The following INSYN1 variants were observed in gnomAD, a reference collection of about 807,000 sequenced individuals.
The protein encoded by INSYN1 is inhibitory synaptic factor 1, also known as UPF0583 protein C15orf59.
Under a neutral mutation model 17.1 loss-of-function variants are expected in INSYN1, and 7 were observed. The observed-to-expected ratio is 0.41, with a 90% confidence interval of 0.23 to 0.77. The LOEUF (loss-of-function observed/expected upper bound fraction) is 0.77, where lower values mean the gene tolerates loss of function less well. Among genes scored for constraint, INSYN1 ranks in the 30% least tolerant of loss-of-function variants. The pLI is 0.32. For missense variants in INSYN1, 339 were observed against 400.6 expected, an observed-to-expected ratio of 0.85 and a Z score of 1.31; for synonymous variants, 174 against 166.3, an observed-to-expected ratio of 1.05 and a Z score of -0.36.
Position 73,737,211 on chromosome 15 carries a change from G to A in INSYN1, c.*2706C>T, listed in dbSNP as rs1002292599. The A allele has an allele frequency of 3.3e-5, 5 of 152,324 alleles. No individual in the cohort carries two copies. The highest frequency in any genetic ancestry group is 1.9e-4 in the East Asian group (1 of 5,180). The allele number at this position is 152,324 out of a possible 1,614,324, so 9.4% of individuals were successfully genotyped here. A position where few individuals can be genotyped will look rare whatever the true frequency, so the allele number is the denominator to read the frequency against. On this transcript the variant is annotated 3_prime_UTR_variant, in exon 3 of 3. Transcript: ENST00000569673. ...CTCAGTTTCTTCCTCTGTGAAATGC[G>A]AACTATTCCATAGGTTTCTTTTCCC...
At chr15:73,748,182 C>T (rs1270692764) in intron 2 of INSYN1, among the ~76,000 whole-genome samples, 1 of 152,174 alleles carries the variant, frequency 6.6e-6, no homozygotes, top group African/African-American at 2.4e-5. Context: ...GCTGAGGGAC[C>T]TGGGGAGGAA....
In INSYN1 at chr15:73,739,843, AT is replaced by A; in HGVS notation, c.*73del. On this transcript the variant is annotated 3_prime_UTR_variant, in exon 3 of 3. Transcript: ENST00000569673. ...ATTATGACTTCATTTGTTTAAATAT[AT>A]ATATATATATATATATATATATATT... The A allele has an allele frequency of 5.8e-6, 1 of 173,186 alleles. No homozygotes were observed. The highest frequency in any genetic ancestry group is 6.7e-5 in the Admixed American group (1 of 14,980). 10.7% of individuals were successfully genotyped at this position (173,186 alleles called of 1,614,324 possible). A position where few individuals can be genotyped will look rare whatever the true frequency, so the allele number is the denominator to read the frequency against.
At position 73,747,815 on chromosome 15, in the gene INSYN1, C is replaced by T. The variant is rs115185106; in HGVS notation, c.156+3160G>A. Among the ~76,000 whole-genome samples, 574 of 152,290 alleles carry T rather than the reference C, an allele frequency of 3.8e-3. 2 individuals carry two copies. The highest frequency in any genetic ancestry group is 0.013 in the African/African-American group (546 of 41,548). On this transcript the variant is annotated intron_variant, in intron 2 of 2. Transcript: ENST00000569673. ...GGGACTGGCCCGGTATCCTGGAGTA[C>T]TGGGGAGCCTGGGAGAGATAAGGGC...
rs1322033973 is a variant in INSYN1 at position 73,752,441 on chromosome 15, A to T, written c.-899T>A. The T allele has an allele frequency of 3.3e-5, 5 of 152,210 alleles. No individual in the cohort carries two copies. Among genetic ancestry groups the T allele is most frequent in the African/African-American group, 1.2e-4 (5 of 41,418 alleles). 9.4% of individuals were successfully genotyped at this position (152,210 alleles called of 1,614,324 possible). ...GCCGAGGAGACGCCGGGCAGGTCCC[A>T]GCGCGTGAGCCAAAGTCGGAGGGCT... On this transcript the variant is annotated 5_prime_UTR_variant, in exon 1 of 3. Transcript: ENST00000569673. This position sits in a 1 kb window ranked among gnomAD's most constrained non-coding sequence, Gnocchi z 5.2.
chr15:73,739,926 C>G lies in INSYN1; in HGVS notation c.873G>C (p.Gly291=). The G allele has an allele frequency of 4.8e-6, 5 of 1,037,522 alleles. No individual in the cohort carries two copies. The highest frequency in any genetic ancestry group is 4.3e-5 in the East Asian group (1 of 23,238). 64.3% of individuals were successfully genotyped at this position (1,037,522 alleles called of 1,614,324 possible). A position where few individuals can be genotyped will look rare whatever the true frequency, so the allele number is the denominator to read the frequency against. The stretch of plus-strand genomic sequence containing the variant: ...GCCCCCTCCCCGGCCCCTAGTTTTT[C>G]CCCCTGGCTTTCTGTCTAGTGGCTG... The part of the protein sequence containing the change: ...PYTATRQKAR[G]KN Residue 291 remains glycine (G), a synonymous_variant, in exon 3 of 3, where the codon GGG becomes GGC. Transcript: ENST00000569673.
intron 2 of INSYN1, among the ~76,000 whole-genome samples, chr15:73,741,780 A>AGCAG (rs1901697690): frequency 6.6e-6 from 1 of 152,248 alleles, no homozygotes. Flanking sequence ...CTGGGGTCAG[A>AGCAG]GCAGGCAATT....
chr15:73,748,393 C>T (rs1222742988), intron 2 of INSYN1, among the ~76,000 whole-genome samples: 1 of 152,136 alleles, frequency 6.6e-6, no homozygotes, highest in Non-Finnish European at 1.5e-5. Context: ...CAGCCCCCCA[C>T]CCCCAACAGT....
At chr15:73,743,855 A>AAAAAAG (rs66656660) in intron 2 of INSYN1, among the ~76,000 whole-genome samples, 3,719 of 96,566 alleles carry the variant, frequency 0.039, 335 homozygotes, top group East Asian at 0.053. Context: ...AAAAAAAAAA[A>AAAAAAG]AAAGAAAGAA....
Position 73,750,875 on chromosome 15 carries a change from G to C in INSYN1, c.156+100C>G, listed in dbSNP as rs1018442177. 9 of 1,277,128 alleles carry C rather than the reference G, an allele frequency of 7.0e-6. No individual in the cohort carries two copies. In the East Asian group the frequency reaches 2.1e-4, roughly 30 times the overall value. 79.1% of individuals were successfully genotyped at this position (1,277,128 alleles called of 1,614,324 possible). ...CCCCAGTAGAGTGACACATGTGCAC[G>C]CAGCTTTGCACACTCCAACGTATTT... is the stretch of plus-strand genomic sequence containing the variant. On this transcript the variant is annotated intron_variant, in intron 2 of 2. Transcript: ENST00000569673.
Position 73,751,104 on chromosome 15 carries a change from G to C in INSYN1, c.27C>G (p.Leu9=), listed in dbSNP as rs139876261. The C allele has an allele frequency of 1.9e-6, 3 of 1,613,778 alleles. No homozygotes were observed. Among genetic ancestry groups the C allele is most frequent in the Admixed American group, 3.3e-5 (2 of 60,004 alleles). Residue 9 remains leucine, a synonymous_variant, in exon 2 of 3, where the codon CTC becomes CTG. Transcript: ENST00000569673. ...TGCTGGGGTCGTCACTGGGCTGCCC[G>C]AGGTCCGGGGCGCCCCGAATGTTCA... The part of the protein sequence containing the change: MNIRGAPD[L]GQPSDDPSSG...
chr15:73,741,429 C>T (rs1343156323), intron 2 of INSYN1, among the ~76,000 whole-genome samples: 1 of 152,200 alleles, frequency 6.6e-6, no homozygotes, highest in African/African-American at 2.4e-5. Context: ...GGGGGCAGCT[C>T]AGCTGTGGAG....
rs1043926365 is a variant in INSYN1 at position 73,752,574 on chromosome 15, G to C, written c.-1032C>G. 8 of 152,374 alleles carry C rather than the reference G, an allele frequency of 5.3e-5. No individual in the cohort carries two copies. Among genetic ancestry groups the C allele is most frequent in the African/African-American group, 1.9e-4 (8 of 41,438 alleles). The allele number at this position is 152,374 out of a possible 1,614,324, so 9.4% of individuals were successfully genotyped here. ...ATCGGCCGGGTCCGTGTTCCGCTGGGGTCTGCCCTGCCCTACCCCGCCCGG... is the reference window on the plus strand; with the variant it reads ...ATCGGCCGGGTCCGTGTTCCGCTGGCGTCTGCCCTGCCCTACCCCGCCCGG... On this transcript the variant is annotated 5_prime_UTR_variant, in exon 1 of 3. Transcript: ENST00000569673. This position sits in a 1 kb window ranked among gnomAD's most constrained non-coding sequence, Gnocchi z 5.2.
chr15:73,745,758 G>T (rs1175632876), intron 2 of INSYN1, among the ~76,000 whole-genome samples: 1 of 150,958 alleles, frequency 6.6e-6, no homozygotes, highest in African/African-American at 2.5e-5. Context: ...GCAGTGAGCC[G>T]AGATCACACC....
intron 2 of INSYN1, among the ~76,000 whole-genome samples, chr15:73,742,150 A>C (rs1352857673): frequency 1.3e-5 from 2 of 152,232 alleles, no homozygotes; most frequent in African/African-American, 4.8e-5. Flanking sequence ...GCTGATGCCT[A>C]GGGATGGCCC....
rs901046624 is a variant in INSYN1 at position 73,739,842 on chromosome 15, T to A, written c.*75A>T. ...TATTATGACTTCATTTGTTTAAATATATATATATATATATATATATATATA... is the reference window on the plus strand; with the variant it reads ...TATTATGACTTCATTTGTTTAAATAAATATATATATATATATATATATATA... On this transcript the variant is annotated 3_prime_UTR_variant, in exon 3 of 3. Transcript: ENST00000569673. The A allele has an allele frequency of 3.8e-5, 6 of 156,058 alleles. No homozygotes were observed. Among genetic ancestry groups the A allele is most frequent in the Non-Finnish European group, 6.3e-5 (5 of 79,186 alleles). 9.7% of individuals were successfully genotyped at this position (156,058 alleles called of 1,614,324 possible).
In INSYN1 at chr15:73,743,723, G is replaced by C. The variant is rs1361220934; in HGVS notation, c.157-3081C>G. Among the ~76,000 whole-genome samples the C allele has an allele frequency of 3.3e-5, 5 of 150,288 alleles. No homozygotes were observed. The Admixed American group carries it at 3.3e-4, about 10-fold the overall frequency. On this transcript the variant is annotated intron_variant, in intron 2 of 2. Transcript: ENST00000569673. ...TGCGTGCATAGAGTCCCAGCTACTC[G>C]GGAGGCTGAGGCAGAGGAATCTCTT...
intron 2 of INSYN1, among the ~76,000 whole-genome samples, chr15:73,742,731 A>C (rs1278008183): frequency 6.6e-6 from 1 of 152,080 alleles, no homozygotes; most frequent in East Asian, 1.9e-4. Context: ...GCCCCAAAGG[A>C]ACCTCAGAGA....
At chr15:73,744,398 C>T (rs2141467764) in intron 2 of INSYN1, among the ~76,000 whole-genome samples, 1 of 152,262 alleles carries the variant, frequency 6.6e-6, no homozygotes, top group East Asian at 1.9e-4. Flanking sequence ...GCTATGAGGC[C>T]CACAGGCAAA....
intron 2 of INSYN1, among the ~76,000 whole-genome samples, chr15:73,746,726 T>C (rs979560751): frequency 2.6e-5 from 4 of 152,088 alleles, no homozygotes; most frequent in African/African-American, 9.7e-5. Context: ...ACCGATGATG[T>C]GGGAGACACT....
Sources: allele counts gnomAD v4.1 joint callset (sites outside exome capture counted in the v4.1 genomes callset), GRCh38; gene constraint gnomAD v4.1.1; non-coding constraint Gnocchi (gnomAD v3.1); transcripts MANE v1.5; gene names NCBI Gene and HGNC (gene_info 2026-07-23, HGNC 2026-07-21).